Variants in GRM8 observed in about 807,000 individuals in gnomAD.
GRM8 encodes the protein metabotropic glutamate receptor 8.
A neutral mutation model predicts 87.2 loss-of-function variants in GRM8; 47 were observed. That is an observed-to-expected ratio of 0.54 (90% confidence interval 0.43 to 0.69). The LOEUF is 0.69. Among genes scored for constraint, GRM8 ranks in the 30% least tolerant of loss-of-function variants. The pLI is 0.00. For synonymous variants in GRM8, 396 were observed against 404.5 expected (o/e 0.98, Z 0.25); for missense variants, 1,019 against 1,139.2 (o/e 0.89, Z 1.52).
At chr7:126,756,574 T>C (rs1033173085) in intron 7 of GRM8, among the ~76,000 whole-genome samples, 2 of 151,894 alleles carry the variant, frequency 1.3e-5, no homozygotes, top group East Asian at 3.9e-4. Flanking sequence ...AACTCAATAA[T>C]AGTAAGATGA....
At chr7:126,760,194 T>A (rs1380952584) in intron 7 of GRM8, among the ~76,000 whole-genome samples, 1 of 152,170 alleles carries the variant, frequency 6.6e-6, no homozygotes, top group African/African-American at 2.4e-5. Flanking sequence ...ATCCTGCTTT[T>A]TTTCAAATGT....
At chr7:126,909,499 C>G (rs986730289) in intron 3 of GRM8, among the ~76,000 whole-genome samples, 20 of 152,134 alleles carry the variant, frequency 1.3e-4, no homozygotes, top group Non-Finnish European at 2.6e-4. Context: ...ATTTAAGGGA[C>G]TTTAACTTTC....
At chr7:126,539,833 A>G (rs1408096307) in intron 8 of GRM8, among the ~76,000 whole-genome samples, 4 of 152,098 alleles carry the variant, frequency 2.6e-5, no homozygotes, top group Non-Finnish European at 5.9e-5. Flanking sequence ...TGCAACAACT[A>G]AAACTTAAAA....
chr7:126,694,489 A>G (rs1465070355), intron 7 of GRM8, among the ~76,000 whole-genome samples: 2 of 152,210 alleles, frequency 1.3e-5, no homozygotes, highest in Admixed American at 1.3e-4. Context: ...GGAAGCTATT[A>G]TCTATATTTA....
intron 8 of GRM8, among the ~76,000 whole-genome samples, chr7:126,582,366 T>C (rs1334297106): frequency 6.6e-6 from 1 of 152,138 alleles, no homozygotes; most frequent in Non-Finnish European, 1.5e-5. Context: ...GTGAAGAAGC[T>C]GCATAAGAAA....
At chr7:127,165,551 G>A (rs917767791) in intron 2 of GRM8, among the ~76,000 whole-genome samples, 1 of 151,936 alleles carries the variant, frequency 6.6e-6, no homozygotes, top group Non-Finnish European at 1.5e-5. Flanking sequence ...TCTTCCTCAT[G>A]TTGTCTTCCT....
At chr7:126,644,532 C>T (rs897333702) in intron 7 of GRM8, among the ~76,000 whole-genome samples, 3 of 152,182 alleles carry the variant, frequency 2.0e-5, no homozygotes, top group Non-Finnish European at 2.9e-5. Flanking sequence ...CAATCAAAAT[C>T]TCATGAAAAC....
At chr7:127,001,069 C>T (rs1205030191) in intron 3 of GRM8, among the ~76,000 whole-genome samples, 3 of 151,318 alleles carry the variant, frequency 2.0e-5, no homozygotes, top group Non-Finnish European at 4.4e-5. Context: ...TGGTGTTAAC[C>T]GTAGATGTAT....
chr7:126,523,359 T>A (rs1341956598), intron 9 of GRM8, among the ~76,000 whole-genome samples: 1 of 152,166 alleles, frequency 6.6e-6, no homozygotes, highest in Non-Finnish European at 1.5e-5. Flanking sequence ...GTTTTGTTTT[T>A]CCTGTTGTGT....
At chr7:126,764,558 T>C (rs536418995) in intron 7 of GRM8, among the ~76,000 whole-genome samples, 71 of 152,068 alleles carry the variant, frequency 4.7e-4, no homozygotes, top group Non-Finnish European at 1.2e-4. Flanking sequence ...AATTGTATAT[T>C]TGGAAATTTT....
chr7:126,640,315 G>A, intron 7 of GRM8, among the ~76,000 whole-genome samples: 1 of 152,142 alleles, frequency 6.6e-6, no homozygotes, highest in Non-Finnish European at 1.5e-5. Context: ...TATGCCACGT[G>A]TGGGAGAGAG....
At chr7:126,533,970 C>T in intron 8 of GRM8, 83 bp from the exon 9 acceptor site, 1 of 972,486 alleles carries the variant, frequency 1.0e-6, no homozygotes, top group Admixed American at 2.4e-5. Flanking sequence ...TGTAATGAAT[C>T]ACAGAATGCT....
intron 6 of GRM8, among the ~76,000 whole-genome samples, chr7:126,813,565 TG>T (rs1387539297): frequency 6.6e-6 from 1 of 152,028 alleles, no homozygotes; most frequent in Non-Finnish European, 1.5e-5. Context: ...TCATCATTGG[TG>T]GGGAAGATTT....
chr7:126,914,467 C>T (rs1004800574), intron 3 of GRM8, among the ~76,000 whole-genome samples: 4 of 152,158 alleles, frequency 2.6e-5, no homozygotes, highest in Non-Finnish European at 5.9e-5. Context: ...CACACATGCA[C>T]CTATATGTTC....
intron 7 of GRM8, among the ~76,000 whole-genome samples, chr7:126,727,030 A>G (rs1813067641): frequency 6.6e-6 from 1 of 152,076 alleles, no homozygotes; most frequent in Non-Finnish European, 1.5e-5. Flanking sequence ...CTATGTTCCA[A>G]TTACTGCATA....
intron 7 of GRM8, among the ~76,000 whole-genome samples, chr7:126,610,445 T>C (rs1798809419): frequency 6.6e-6 from 1 of 152,172 alleles, no homozygotes; most frequent in African/African-American, 2.4e-5. Context: ...TCTGCAGGCC[T>C]TTTATCTGAC....
intron 7 of GRM8, among the ~76,000 whole-genome samples, chr7:126,702,887 G>A (rs1810086567): frequency 6.6e-6 from 1 of 152,136 alleles, no homozygotes; most frequent in African/African-American, 2.4e-5. Flanking sequence ...ATGAAAAGGA[G>A]TCATGTGGCA....
At chr7:127,129,320 G>T (rs2133215798) in intron 2 of GRM8, among the ~76,000 whole-genome samples, 1 of 152,174 alleles carries the variant, frequency 6.6e-6, no homozygotes, top group African/African-American at 2.4e-5. Flanking sequence ...TTTATGAAAA[G>T]ATATTTATTT....
intron 6 of GRM8, among the ~76,000 whole-genome samples, chr7:126,809,174 T>G (rs779607716): frequency 3.3e-5 from 5 of 152,166 alleles, no homozygotes; most frequent in Admixed American, 6.5e-5. Flanking sequence ...AACACAAGCC[T>G]TCTTCTTCTA....
Sources: allele counts gnomAD v4.1 joint callset (sites outside exome capture counted in the v4.1 genomes callset), GRCh38; gene constraint gnomAD v4.1.1; transcripts MANE v1.5; gene names NCBI Gene and HGNC (gene_info 2026-07-23, HGNC 2026-07-21).